TACC1: variants seen among roughly 807,000 people sequenced by gnomAD.
TACC1 encodes transforming acidic coiled-coil-containing protein 1.
Under a neutral mutation model 84.4 loss-of-function variants are expected in TACC1, and 48 were observed. That is an observed-to-expected ratio of 0.57 (90% CI 0.45 to 0.72). The LOEUF (loss-of-function observed/expected upper bound fraction) is 0.72. Ranked by LOEUF, TACC1 falls within the 30% of genes least tolerant of loss-of-function variation. TACC1 has a pLI of 0.00. For missense variants in TACC1, 920 were observed against 973.0 expected, an observed-to-expected ratio of 0.95 and a Z score of 0.72; for synonymous variants, 372 against 376.3, an observed-to-expected ratio of 0.99 and a Z score of 0.13.
chr8:38,834,190 C>T (rs1351345866), intron 6 of TACC1, among the ~76,000 whole-genome samples: 1 of 152,224 alleles, frequency 6.6e-6, no homozygotes, highest in East Asian at 1.9e-4. Context: ...GGGCTGCAGT[C>T]ATATCCAGGC....
chr8:38,789,326 C>T (rs568596813), intron 2 of TACC1, among the ~76,000 whole-genome samples: 13 of 152,224 alleles, frequency 8.5e-5, no homozygotes, highest in Non-Finnish European at 1.5e-4. Context: ...TCCCTCCCAG[C>T]CCCTCAGAGC....
chr8:38,802,744 G>A (rs1237412687), intron 2 of TACC1, among the ~76,000 whole-genome samples: 3 of 152,206 alleles, frequency 2.0e-5, no homozygotes, highest in African/African-American at 7.2e-5. Context: ...GAGCAGGTGT[G>A]TCACATGGTG....
chr8:38,788,636 A>G (rs1817889454), intron 1 of TACC1, 68 bp from the exon 2 acceptor site: 5 of 1,210,436 alleles, frequency 4.1e-6, no homozygotes, highest in South Asian at 3.9e-5. Flanking sequence ...CTCTGTGAAT[A>G]TGTAGATTTC....
At position 38,812,714 on chromosome 8, in the gene TACC1, G is replaced by A. The variant is rs556891852; in HGVS notation, c.278-6808G>A. ...AGAATAGAACCAGATTCTTGACAAG[G>A]CCTGCAAGGCTCTGTGAGCATGGTG... On this transcript the variant is annotated intron_variant, in intron 2 of 12. Coordinates refer to ENST00000317827, the MANE Select transcript of TACC1 (RefSeq NM_006283.3). 6.6e-5 allele frequency among the ~76,000 whole-genome samples: 10 copies of A among 152,254 alleles called. No individual in the cohort carries two copies. The East Asian group carries it at 1.9e-3, about 29-fold the overall frequency.
chr8:38,738,643 T>C (rs1806454205), intron 1 of TACC1, among the ~76,000 whole-genome samples: 1 of 151,972 alleles, frequency 6.6e-6, no homozygotes. Flanking sequence ...TGGGTCTTGG[T>C]GTTGTATTTG....
At chr8:38,813,189 C>A (rs1824627259) in intron 2 of TACC1, among the ~76,000 whole-genome samples, 1 of 152,194 alleles carries the variant, frequency 6.6e-6, no homozygotes, top group Non-Finnish European at 1.5e-5. Flanking sequence ...CCTTGATCCA[C>A]ATTCCTCTAA....
intron 3 of TACC1, among the ~76,000 whole-genome samples, chr8:38,778,684 T>C (rs990680348): frequency 6.6e-6 from 1 of 152,206 alleles, no homozygotes; most frequent in Non-Finnish European, 1.5e-5. Context: ...TTTTTAGGCT[T>C]CCTGCTTCAC....
At chr8:38,786,297 T>C (rs1425220944), upstream of TACC1, among the ~76,000 whole-genome samples, 1 of 152,234 alleles carries the variant, frequency 6.6e-6, no homozygotes, top group Admixed American at 6.5e-5. Flanking sequence ...GAACATCAGC[T>C]ATTTCCCATT....
intron 2 of TACC1, among the ~76,000 whole-genome samples, chr8:38,743,853 C>T (rs886289709): frequency 6.6e-6 from 1 of 152,116 alleles, no homozygotes; most frequent in African/African-American, 2.4e-5. Flanking sequence ...CACCACTGCA[C>T]TCTAGCCTGG....
chr8:38,807,684 T>C (rs1823085890), intron 2 of TACC1, among the ~76,000 whole-genome samples: 1 of 152,244 alleles, frequency 6.6e-6, no homozygotes, highest in African/African-American at 2.4e-5. Context: ...AATACATTTC[T>C]CTGAAGTTTC....
At chr8:38,830,685 T>A (rs1829032504) in intron 5 of TACC1, among the ~76,000 whole-genome samples, 1 of 152,250 alleles carries the variant, frequency 6.6e-6, no homozygotes, top group Non-Finnish European at 1.5e-5. Context: ...CTGCCTTGAA[T>A]TTTAAAGCTT....
At chr8:38,791,767 C>T (rs974177767) in intron 2 of TACC1, among the ~76,000 whole-genome samples, 3 of 152,238 alleles carry the variant, frequency 2.0e-5, no homozygotes, top group Non-Finnish European at 2.9e-5. Flanking sequence ...GAATGATTTA[C>T]GAGGAGTTAG....
At chr8:38,821,194 C>T (rs1002631162) in intron 3 of TACC1, among the ~76,000 whole-genome samples, 2 of 150,298 alleles carry the variant, frequency 1.3e-5, no homozygotes, top group African/African-American at 4.9e-5. Flanking sequence ...GACAGCAAGA[C>T]TCCATCTCAA....
At chr8:38,808,469 G>C (rs1449713812) in intron 2 of TACC1, among the ~76,000 whole-genome samples, 1 of 152,226 alleles carries the variant, frequency 6.6e-6, no homozygotes, top group Non-Finnish European at 1.5e-5. Flanking sequence ...CTGGAGTGCA[G>C]TGGTGTGATC....
At chr8:38,771,271 G>A (rs1301425735) in intron 3 of TACC1, among the ~76,000 whole-genome samples, 2 of 152,124 alleles carry the variant, frequency 1.3e-5, no homozygotes, top group African/African-American at 4.8e-5. Context: ...CAAACCACAT[G>A]CCCCTAGAGT....
At chr8:38,794,037 A>G (rs1819386382) in intron 2 of TACC1, among the ~76,000 whole-genome samples, 1 of 152,206 alleles carries the variant, frequency 6.6e-6, no homozygotes, top group South Asian at 2.1e-4. Context: ...AGGTGCCATT[A>G]GTCTAGGCCT....
upstream of TACC1, chr8:38,787,082 G>C: frequency 1.0e-6 from 1 of 963,736 alleles, no homozygotes; most frequent in Non-Finnish European, 1.2e-6. Context: ...GCGTGACGCC[G>C]CGGTAGGGGG....
intron 3 of TACC1, among the ~76,000 whole-genome samples, chr8:38,821,165 G>A (rs1046522567): frequency 3.3e-5 from 5 of 151,340 alleles, no homozygotes; most frequent in Admixed American, 6.6e-5. Flanking sequence ...AGATCACGCC[G>A]CTGCTCTCCA....
chr8:38,791,509 G>A (rs953501761), intron 2 of TACC1, among the ~76,000 whole-genome samples: 31 of 152,220 alleles, frequency 2.0e-4, no homozygotes, highest in Admixed American at 3.3e-4. Flanking sequence ...CAATGGCCTT[G>A]TCACACATAC....
Sources: allele counts gnomAD v4.1 joint callset (sites outside exome capture counted in the v4.1 genomes callset), GRCh38; gene constraint gnomAD v4.1.1; transcripts MANE v1.5; gene names NCBI Gene and HGNC (gene_info 2026-07-23, HGNC 2026-07-21).